The following DENND2B variants were observed in gnomAD, a reference collection of about 807,000 sequenced individuals.
DENND2B encodes the protein DENN domain-containing protein 2B.
DENND2B carries 32 observed loss-of-function variants against 116.0 expected under a neutral mutation model. The observed-to-expected ratio is 0.28, with a 90% CI of 0.21 to 0.37. The LOEUF (loss-of-function observed/expected upper bound fraction) is 0.37, where lower values mean the gene tolerates loss of function less well. Ranked by LOEUF, DENND2B falls within the 10% of genes least tolerant of loss-of-function variation. The pLI, the probability that DENND2B is intolerant of heterozygous loss-of-function variation, is 1.00. For missense variants in DENND2B, 1,276 were observed against 1,477.7 expected (o/e 0.86, Z 2.24); for synonymous variants, 588 against 583.9 (o/e 1.01, Z -0.10).
chr11:8,759,042 G>A (rs989631022), intron 1 of DENND2B, among the ~76,000 whole-genome samples: 2 of 152,120 alleles, frequency 1.3e-5, no homozygotes, highest in East Asian at 1.9e-4. Context: ...GCCTTCACCA[G>A]ACAACTCTCT....
At chr11:8,773,682 G>A (rs772319443) in intron 1 of DENND2B, among the ~76,000 whole-genome samples, 25 of 152,006 alleles carry the variant, frequency 1.6e-4, no homozygotes, top group Non-Finnish European at 3.4e-4. Context: ...TCTGATGGAC[G>A]CTCAAAAAAT....
chr11:8,843,863 C>T (rs954181677), intron 3 of DENND2B, among the ~76,000 whole-genome samples: 5 of 152,160 alleles, frequency 3.3e-5, no homozygotes, highest in Non-Finnish European at 5.9e-5. Flanking sequence ...CTCAAGATGC[C>T]GCTCCCACGG....
intron 5 of DENND2B, among the ~76,000 whole-genome samples, chr11:8,716,472 C>T (rs1482915148): frequency 1.3e-5 from 2 of 152,186 alleles, no homozygotes; most frequent in Non-Finnish European, 2.9e-5. Flanking sequence ...CGGACCCTGT[C>T]AGGAGGCAAG....
intron 14 of DENND2B, chr11:8,700,037 G>GT: frequency 2.2e-6 from 1 of 454,634 alleles, no homozygotes; most frequent in Non-Finnish European, 4.4e-6. Flanking sequence ...AACAATAGCT[G>GT]TATTCACAGC....
intron 14 of DENND2B, among the ~76,000 whole-genome samples, 195 bp from the exon 15 acceptor site, chr11:8,699,585 T>A (rs1186009214): frequency 6.6e-6 from 1 of 152,140 alleles, no homozygotes; most frequent in African/African-American, 2.4e-5. Flanking sequence ...TGCTACTCTC[T>A]TAGGGAAATG....
chr11:8,804,329 T>C (rs2060629069), intron 1 of DENND2B, among the ~76,000 whole-genome samples: 1 of 151,574 alleles, frequency 6.6e-6, no homozygotes, highest in South Asian at 2.1e-4. Flanking sequence ...CCCTGTGCCC[T>C]TTCTTTGATC....
chr11:8,824,851 C>CT (rs1555207535), intron 4 of DENND2B, among the ~76,000 whole-genome samples: 9 of 52,868 alleles, frequency 1.7e-4, no homozygotes, highest in East Asian at 6.9e-4. Flanking sequence ...CCACACCCAG[C>CT]TATTTTTTTT....
intron 4 of DENND2B, among the ~76,000 whole-genome samples, chr11:8,817,051 G>A (rs771375574): frequency 5.3e-5 from 8 of 152,132 alleles, no homozygotes; most frequent in Non-Finnish European, 1.2e-4. Context: ...TCCTGCCTAA[G>A]GAGGGCTGGA....
At chr11:8,836,157 C>T (rs1431606572) in intron 4 of DENND2B, among the ~76,000 whole-genome samples, 1 of 136,684 alleles carries the variant, frequency 7.3e-6, no homozygotes, top group African/African-American at 2.7e-5. Flanking sequence ...ACCAGCCTGG[C>T]TAACACAGTG....
Position 8,717,860 on chromosome 11 carries a change from C to T in DENND2B, c.1510G>A (p.Val504Met), listed in dbSNP as rs1486203387. Residue 504 changes from valine to methionine, a missense_variant, in exon 5 of 20, where the codon GTG becomes ATG. Physicochemically the swap from Val to Met is conservative, Grantham distance 21. Coordinates refer to ENST00000313726, the MANE Select transcript of DENND2B (RefSeq NM_213618.2). ...DLPKENPYED[V>M]DLKSRRAGRK... The stretch of plus-strand genomic sequence containing the variant: ...CCTGCTCTTCGGCTCTTTAAGTCCA[C>T]ATCCTCATATGGATTCTCCTTGGGC... The T allele has an allele frequency of 1.9e-6, 3 of 1,612,970 alleles. No individual in the cohort carries two copies. Among genetic ancestry groups the T allele is most frequent in the African/African-American group, 1.3e-5 (1 of 74,842 alleles).
intron 4 of DENND2B, among the ~76,000 whole-genome samples, chr11:8,720,132 G>A (rs2045902232): frequency 6.6e-6 from 1 of 152,152 alleles, no homozygotes; most frequent in African/African-American, 2.4e-5. Context: ...AGGCAGGAAT[G>A]GAGGGAGGGA....
chr11:8,759,104 C>CAG (rs1237364656), intron 1 of DENND2B, among the ~76,000 whole-genome samples: 1 of 152,216 alleles, frequency 6.6e-6, no homozygotes, highest in Non-Finnish European at 1.5e-5. Context: ...ACCTGATCCA[C>CAG]AGAGGCTCTC....
chr11:8,793,331 A>C (rs546398106), intron 1 of DENND2B, among the ~76,000 whole-genome samples: 1 of 151,986 alleles, frequency 6.6e-6, no homozygotes, highest in South Asian at 2.1e-4. Context: ...TTAAGCAATA[A>C]CTCCCCATTC....
chr11:8,864,451 A>C (rs1236856300), intron 2 of DENND2B, among the ~76,000 whole-genome samples: 1 of 152,014 alleles, frequency 6.6e-6, no homozygotes, highest in Non-Finnish European at 1.5e-5. Context: ...TATTTTTTTC[A>C]TAAGGACAGA....
intron 2 of DENND2B, 111 bp from the exon 3 acceptor site, chr11:8,731,320 A>G (rs2048094975): frequency 1.9e-6 from 2 of 1,044,478 alleles, no homozygotes; most frequent in South Asian, 3.7e-5. Flanking sequence ...TTCCTGGAGG[A>G]CTCTCAAAGA....
At chr11:8,713,003 C>G (rs2044046398) in intron 8 of DENND2B, among the ~76,000 whole-genome samples, 1 of 152,184 alleles carries the variant, frequency 6.6e-6, no homozygotes, top group African/African-American at 2.4e-5. Context: ...CGAGGCCAGG[C>G]AAACCCAGGG....
At chr11:8,827,506 G>A (rs2062023375) in intron 4 of DENND2B, among the ~76,000 whole-genome samples, 2 of 152,178 alleles carry the variant, frequency 1.3e-5, no homozygotes, top group Non-Finnish European at 2.9e-5. Flanking sequence ...CTCTTCTAAG[G>A]TAAAGGCCCA....
At chr11:8,700,204 G>A (rs570397695) in intron 14 of DENND2B, among the ~76,000 whole-genome samples, 1 of 152,304 alleles carries the variant, frequency 6.6e-6, no homozygotes, top group East Asian at 1.9e-4. Context: ...TGGGCAGTCA[G>A]GGGCTTTGTT....
At chr11:8,706,061 A>G (rs2042542865) in intron 13 of DENND2B, among the ~76,000 whole-genome samples, 1 of 152,182 alleles carries the variant, frequency 6.6e-6, no homozygotes, top group Admixed American at 6.5e-5. Context: ...CCTGGGCAAC[A>G]GGGTGAAACC....
Sources: gnomAD v4.1 joint callset for allele counts (sites outside exome capture counted in the v4.1 genomes callset) on GRCh38, gnomAD v4.1.1 for gene constraint, MANE v1.5 for transcripts, NCBI Gene and HGNC (gene_info 2026-07-23, HGNC 2026-07-21) for gene names.